MGMT: variants seen among roughly 807,000 people sequenced by gnomAD.
MGMT encodes the protein O-6-methylguanine-DNA methyltransferase, also known as methylated-DNA--protein-cysteine methyltransferase.
MGMT carries 14 observed loss-of-function variants against 15.9 expected under a neutral mutation model. The ratio of observed to expected loss-of-function variants is 0.88; its 90% CI spans 0.58 to 1.37. The LOEUF is 1.37. Ranked by LOEUF, MGMT falls within the 40% of genes most tolerant of loss-of-function variation. The pLI is 0.00. For missense variants in MGMT, 282 were observed against 268.1 expected (o/e 1.05, Z -0.36); for synonymous variants, 130 against 118.2 (o/e 1.10, Z -0.65).
intron 4 of MGMT, among the ~76,000 whole-genome samples, chr10:129,766,070 C>G (rs1442242457): frequency 6.6e-6 from 1 of 152,204 alleles, no homozygotes; most frequent in African/African-American, 2.4e-5. Context: ...CATAAAGAAG[C>G]AGTTGGTAGG....
intron 1 of MGMT, among the ~76,000 whole-genome samples, chr10:129,515,342 T>C (rs777810822): frequency 6.6e-6 from 1 of 152,014 alleles, no homozygotes; most frequent in Non-Finnish European, 1.5e-5. Flanking sequence ...GAGTGTGGGG[T>C]TGGGGACTCC....
intron 3 of MGMT, among the ~76,000 whole-genome samples, chr10:129,727,286 G>T (rs1267993026): frequency 6.6e-6 from 1 of 152,216 alleles, no homozygotes; most frequent in East Asian, 1.9e-4. Flanking sequence ...CACCTGCTGT[G>T]AGGGCAGCCA....
At chr10:129,738,431 C>T (rs910028898) in intron 3 of MGMT, among the ~76,000 whole-genome samples, 1 of 152,212 alleles carries the variant, frequency 6.6e-6, no homozygotes, top group African/African-American at 2.4e-5. Flanking sequence ...GGTGCACGCA[C>T]CCACTGACCT....
At chr10:129,648,214 C>T in intron 2 of MGMT, among the ~76,000 whole-genome samples, 1 of 152,110 alleles carries the variant, frequency 6.6e-6, no homozygotes, top group Admixed American at 6.5e-5. Context: ...TTTCATCTTG[C>T]ACCGCGAACT....
chr10:129,607,306 A>G (rs1846903666), intron 2 of MGMT, among the ~76,000 whole-genome samples: 1 of 152,146 alleles, frequency 6.6e-6, no homozygotes, highest in Non-Finnish European at 1.5e-5. Flanking sequence ...TGGTTTTGGA[A>G]GATGGATTGT....
chr10:129,492,075 A>G (rs1315767948), intron 1 of MGMT, among the ~76,000 whole-genome samples: 1 of 152,082 alleles, frequency 6.6e-6, no homozygotes, highest in Non-Finnish European at 1.5e-5. Flanking sequence ...CGTGTTTTTC[A>G]TCAAAGCAAA....
chr10:129,756,644 A>G (rs1032491019), intron 3 of MGMT, among the ~76,000 whole-genome samples: 1 of 151,968 alleles, frequency 6.6e-6, no homozygotes, highest in Non-Finnish European at 1.5e-5. Context: ...TAATTTTTTT[A>G]TTTTTAGTAG....
intron 2 of MGMT, among the ~76,000 whole-genome samples, chr10:129,702,867 A>G (rs1262561257): frequency 6.6e-6 from 1 of 152,140 alleles, no homozygotes; most frequent in Non-Finnish European, 1.5e-5. Flanking sequence ...TTAGTGTTTC[A>G]GGGTTTGCCA....
intron 1 of MGMT, among the ~76,000 whole-genome samples, chr10:129,514,884 G>T (rs565525350): frequency 6.6e-6 from 1 of 152,222 alleles, no homozygotes. Context: ...AGCTCAGATG[G>T]CCTAACACAG....
intron 1 of MGMT, among the ~76,000 whole-genome samples, chr10:129,517,672 G>A (rs1309601138): frequency 1.3e-5 from 2 of 152,186 alleles, no homozygotes; most frequent in Non-Finnish European, 2.9e-5. Context: ...GAGAGCGCTC[G>A]CCTCTGTCCT....
At chr10:129,589,654 C>A (rs545738361) in intron 2 of MGMT, among the ~76,000 whole-genome samples, 1 of 152,288 alleles carries the variant, frequency 6.6e-6, no homozygotes, top group Non-Finnish European at 1.5e-5. Flanking sequence ...CAATAGTGAC[C>A]CCCTATGGCC....
intron 4 of MGMT, among the ~76,000 whole-genome samples, chr10:129,763,612 G>A (rs1048600754): frequency 6.6e-6 from 1 of 152,174 alleles, no homozygotes; most frequent in Non-Finnish European, 1.5e-5. Flanking sequence ...GCTCTGCTGT[G>A]AAATCTGCTA....
intron 1 of MGMT, among the ~76,000 whole-genome samples, chr10:129,475,921 T>C (rs1845288738): frequency 6.6e-6 from 1 of 152,244 alleles, no homozygotes; most frequent in Non-Finnish European, 1.5e-5. Context: ...GCACAGGCTC[T>C]TGGAAAGCCA....
At chr10:129,641,466 CA>C (rs1216641794) in intron 2 of MGMT, among the ~76,000 whole-genome samples, 3 of 152,180 alleles carry the variant, frequency 2.0e-5, no homozygotes, top group Non-Finnish European at 4.4e-5. Context: ...TACAGTTGTA[CA>C]AGTTTTCCAA....
chr10:129,503,599 G>C (rs117533499), intron 1 of MGMT, among the ~76,000 whole-genome samples: 1 of 152,220 alleles, frequency 6.6e-6, no homozygotes, highest in East Asian at 1.9e-4. Flanking sequence ...TTTCTGTTGA[G>C]GGTGATTGTG....
intron 2 of MGMT, among the ~76,000 whole-genome samples, chr10:129,678,125 A>T (rs2133117814): frequency 6.6e-6 from 1 of 152,246 alleles, no homozygotes; most frequent in African/African-American, 2.4e-5. Context: ...GCTCAAGGAA[A>T]GAACGCCTCG....
intron 1 of MGMT, among the ~76,000 whole-genome samples, chr10:129,528,887 T>A (rs1262218396): frequency 6.6e-6 from 1 of 152,222 alleles, no homozygotes; most frequent in African/African-American, 2.4e-5. Flanking sequence ...GCTCTTTGGC[T>A]ACAGTTGTGA....
intron 2 of MGMT, among the ~76,000 whole-genome samples, chr10:129,674,386 C>T (rs933145364): frequency 6.6e-6 from 1 of 152,182 alleles, no homozygotes; most frequent in Non-Finnish European, 1.5e-5. Flanking sequence ...AAGCCAGTCA[C>T]GAATCGGCTA....
intron 2 of MGMT, among the ~76,000 whole-genome samples, chr10:129,577,260 G>C (rs1314390992): frequency 6.6e-6 from 1 of 151,958 alleles, no homozygotes. Flanking sequence ...AAAGCTGGAG[G>C]CATCACGCTA....
Sources: allele counts gnomAD v4.1 joint callset (sites outside exome capture counted in the v4.1 genomes callset), GRCh38; gene constraint gnomAD v4.1.1; transcripts MANE v1.5; gene names NCBI Gene and HGNC (gene_info 2026-07-23, HGNC 2026-07-21).